The following DOCK7 variants were observed in gnomAD, a reference collection of about 807,000 sequenced individuals.
DOCK7 encodes dedicator of cytokinesis protein 7.
Under a neutral mutation model 271.0 loss-of-function variants are expected in DOCK7, and 138 were observed. The ratio of observed to expected loss-of-function variants is 0.51; its 90% CI spans 0.44 to 0.59. The LOEUF is 0.59. Ranked by LOEUF, DOCK7 falls within the 20% of genes least tolerant of loss-of-function variation. The pLI, the probability that DOCK7 is intolerant of heterozygous loss-of-function variation, is 0.00. For synonymous variants in DOCK7, 823 were observed against 876.1 expected, an observed-to-expected ratio of 0.94 and a Z score of 1.07; for missense variants, 2,066 against 2,592.4, an observed-to-expected ratio of 0.80 and a Z score of 4.41.
At chr1:62,536,705 T>A (rs776837988) in intron 28 of DOCK7, among the ~76,000 whole-genome samples, 4 of 152,112 alleles carry the variant, frequency 2.6e-5, no homozygotes, top group African/African-American at 9.7e-5. Context: ...ACCTACAGAA[T>A]CCTATTCAGG....
chr1:62,582,549 C>CAAAA lies in DOCK7; in HGVS notation c.1871+631_1871+634dup, dbSNP rs34110232. On this transcript the variant is annotated intron_variant, in intron 16 of 49. Coordinates refer to ENST00000635253, the MANE Select transcript of DOCK7 (RefSeq NM_001367561.1). ...TGGGGGACAGAGCGAGACTCCGTCT[C>CAAAA]AAAAAAAAAAAAAAAAAAAAAAAAA... 2.5e-3 allele frequency among the ~76,000 whole-genome samples: 43 copies of CAAAA among 16,874 alleles called. 2 individuals carry two copies. Among genetic ancestry groups the CAAAA allele is most frequent in the Non-Finnish European group, 3.9e-3 (30 of 7,688 alleles). The allele number at this position is 16,874 out of a possible 152,430, so 11.1% of individuals were successfully genotyped here.
chr1:62,610,353 C>T (rs1263715312), intron 14 of DOCK7, among the ~76,000 whole-genome samples: 1 of 152,004 alleles, frequency 6.6e-6, no homozygotes, highest in Non-Finnish European at 1.5e-5. Context: ...CCTGAATTTT[C>T]AGTAACGTTC....
At chr1:62,523,644 A>G (rs1162631921) in intron 31 of DOCK7, among the ~76,000 whole-genome samples, 1 of 152,190 alleles carries the variant, frequency 6.6e-6, no homozygotes, top group East Asian at 1.9e-4. Flanking sequence ...CGAGATGGGC[A>G]GATCACGAGG....
intron 1 of DOCK7, among the ~76,000 whole-genome samples, chr1:62,666,860 A>C (rs1183265): frequency 0.98 from 148,679 of 152,268 alleles, 72,689 homozygotes; most frequent in Middle Eastern, 1. Context: ...TATGAAAAAA[A>C]CTTCTATCCC....
At chr1:62,528,853 C>T (rs1251466806) in intron 30 of DOCK7, among the ~76,000 whole-genome samples, 5 of 152,100 alleles carry the variant, frequency 3.3e-5, no homozygotes, top group African/African-American at 1.2e-4. Context: ...AGAAGTAATA[C>T]CACTTCAACT....
chr1:62,460,135 A>G (rs1328955313), intron 48 of DOCK7, among the ~76,000 whole-genome samples: 3 of 149,988 alleles, frequency 2.0e-5, no homozygotes, highest in Admixed American at 2.0e-4. Flanking sequence ...ATTCCAGAGT[A>G]TAGGGGAAAA....
intron 2 of DOCK7, among the ~76,000 whole-genome samples, chr1:62,656,851 A>C (rs778138739): frequency 6.6e-6 from 1 of 152,188 alleles, no homozygotes; most frequent in Non-Finnish European, 1.5e-5. Context: ...AAAAAGAAGC[A>C]GCCTGACAAA....
intron 29 of DOCK7, 66 bp from the exon 30 acceptor site, chr1:62,529,512 A>C (rs765464774): frequency 7.8e-7 from 1 of 1,280,078 alleles, no homozygotes; most frequent in Non-Finnish European, 1.1e-6. Context: ...TAACATCTTT[A>C]AAACAAACAG....
rs775251249 is a variant in DOCK7, at chr1:62,559,232, A to T, written c.2200-12T>A. ...TCAAGATAAGGATCCTAAAACAAAGAATAAACAAAAGCACTAAGCACTTAT... is the reference window on the plus strand; with the variant it reads ...TCAAGATAAGGATCCTAAAACAAAGTATAAACAAAAGCACTAAGCACTTAT... On this transcript the variant is annotated splice_polypyrimidine_tract_variant and intron_variant, in intron 19 of 49. Coordinates refer to ENST00000635253, the MANE Select transcript of DOCK7 (RefSeq NM_001367561.1). 4.4e-6 allele frequency: 7 copies of T among 1,601,644 alleles called. No homozygotes were observed. Among genetic ancestry groups the T allele is most frequent in the Non-Finnish European group, 6.0e-6 (7 of 1,170,616 alleles).
chr1:62,513,467 G>T lies in DOCK7; in HGVS notation c.4259C>A (p.Thr1420Lys). 1.9e-6 allele frequency: 3 copies of T among 1,611,844 alleles called. No homozygotes were observed. Among genetic ancestry groups the T allele is most frequent in the Middle Eastern group, 1.7e-4 (1 of 6,038 alleles). ...ACCAGGAGGAGAAGCTATTGTGTAC[G>T]TACCGAGCTGTCCTCGGCTTCGCCG... The part of the protein sequence containing the change: ...MVRRSRGQLG[T>K]YTIASPPERS... The change falls in exon 33 of 50, where the codon ACG (threonine) becomes AAG (lysine). Residue 1420 changes from threonine (T) to lysine (K), a missense_variant. Around this residue, in one of 2 missense-constraint regions of DOCK7, gnomAD observed 652 missense variants for 922.1 expected, o/e 0.71. Coordinates refer to ENST00000635253, the MANE Select transcript of DOCK7 (RefSeq NM_001367561.1).
intron 37 of DOCK7, among the ~76,000 whole-genome samples, chr1:62,500,690 T>A (rs774463366): frequency 2.6e-5 from 4 of 152,230 alleles, no homozygotes; most frequent in Non-Finnish European, 4.4e-5. Context: ...TACCTTTCAA[T>A]ATATCTACAA....
chr1:62,537,176 T>C (rs1645371786), intron 28 of DOCK7, among the ~76,000 whole-genome samples: 1 of 152,228 alleles, frequency 6.6e-6, no homozygotes, highest in Admixed American at 6.5e-5. Flanking sequence ...TCATTCTTGG[T>C]GTCTGCTTCA....
At chr1:62,508,323 G>A (rs185855591) in intron 34 of DOCK7, among the ~76,000 whole-genome samples, 44 of 152,322 alleles carry the variant, frequency 2.9e-4, no homozygotes, top group African/African-American at 1.0e-3. Flanking sequence ...TTTCAAACAT[G>A]CAGCAGACAG....
At chr1:62,677,519 A>G (rs1221506686) in intron 1 of DOCK7, among the ~76,000 whole-genome samples, 2 of 152,094 alleles carry the variant, frequency 1.3e-5, no homozygotes, top group African/African-American at 4.8e-5. Flanking sequence ...TGTGCAAAAT[A>G]ATCTGATCTG....
chr1:62,628,060 T>G (rs943308090), intron 11 of DOCK7: 1 of 152,188 alleles, frequency 6.6e-6, no homozygotes, highest in South Asian at 2.1e-4. Context: ...GGAAAAAAAT[T>G]TTTCCACAGA....
intron 49 of DOCK7, among the ~76,000 whole-genome samples, chr1:62,455,895 A>G (rs1254476486): frequency 6.6e-6 from 1 of 152,224 alleles, no homozygotes; most frequent in Non-Finnish European, 1.5e-5. Context: ...TATGTGGGCT[A>G]TATATGGATG....
At chr1:62,667,984 C>T (rs1319525187) in intron 1 of DOCK7, among the ~76,000 whole-genome samples, 2 of 152,122 alleles carry the variant, frequency 1.3e-5, no homozygotes, top group South Asian at 4.1e-4. Context: ...CATGCCACTA[C>T]ACTCCAGCCT....
At chr1:62,687,353 A>G (rs1359189604) in intron 1 of DOCK7, among the ~76,000 whole-genome samples, 1 of 152,236 alleles carries the variant, frequency 6.6e-6, no homozygotes, top group Non-Finnish European at 1.5e-5. Context: ...AAGTAGGTGA[A>G]AGGCTTTGAA....
intron 37 of DOCK7, among the ~76,000 whole-genome samples, chr1:62,498,394 T>C (rs1332317581): frequency 6.6e-6 from 1 of 152,176 alleles, no homozygotes; most frequent in Non-Finnish European, 1.5e-5. Flanking sequence ...ACATCTCTTC[T>C]TTCTGAAAAC....
Sources: gnomAD v4.1 joint callset for allele counts (sites outside exome capture counted in the v4.1 genomes callset) on GRCh38, gnomAD v4.1.1 for gene constraint, gnomAD v4.1.1 regional missense constraint, MANE v1.5 for transcripts, NCBI Gene and HGNC (gene_info 2026-07-23, HGNC 2026-07-21) for gene names.